SYTL3: variants seen among roughly 807,000 people sequenced by gnomAD.
The protein encoded by SYTL3 is synaptotagmin like 3, also known as synaptotagmin-like protein 3.
SYTL3 carries 88 observed loss-of-function variants against 82.1 expected under a neutral mutation model. That is an observed-to-expected ratio of 1.07 (90% CI 0.90 to 1.28). SYTL3 has a LOEUF of 1.28. SYTL3 is among the 50% of genes most tolerant of loss of function. SYTL3 has a pLI of 0.00. For missense variants in SYTL3, 831 were observed against 757.6 expected (o/e 1.10, Z -1.14); for synonymous variants, 311 against 289.4 (o/e 1.07, Z -0.76).
intron 6 of SYTL3, among the ~76,000 whole-genome samples, chr6:158,691,566 CTTT>C (rs997900440): frequency 6.6e-6 from 1 of 152,058 alleles, no homozygotes; most frequent in African/African-American, 2.4e-5. Context: ...ACCTCTTTTA[CTTT>C]TTTTCTTTTT....
chr6:158,728,604 A>T (rs1397958391), intron 11 of SYTL3, among the ~76,000 whole-genome samples: 1 of 152,174 alleles, frequency 6.6e-6, no homozygotes, highest in Non-Finnish European at 1.5e-5. Flanking sequence ...TTCTCTGTGT[A>T]TAGGTAGGCA....
At chr6:158,700,717 T>G (rs13219175) in intron 6 of SYTL3, among the ~76,000 whole-genome samples, 32 of 152,132 alleles carry the variant, frequency 2.1e-4, no homozygotes, top group East Asian at 7.7e-4. Flanking sequence ...CCTGGGTTCA[T>G]GCCATTCTCC....
At chr6:158,722,324 G>A (rs1213456410) in intron 10 of SYTL3, among the ~76,000 whole-genome samples, 2 of 152,004 alleles carry the variant, frequency 1.3e-5, no homozygotes, top group African/African-American at 2.4e-5. Context: ...ACTCTGCCCA[G>A]CTAATTTTTG....
chr6:158,764,772 T>A lies in SYTL3; in HGVS notation c.*168T>A. On this transcript the variant is annotated 3_prime_UTR_variant, in exon 18 of 18. Transcript: ENST00000611299. ...ACCGCCTATTGGTATCTGTGTATAT[T>A]TACGTTAAACACAATTATGTTACCT... 1.8e-6 allele frequency: 1 copy of A among 548,416 alleles called. No homozygotes were observed. Among genetic ancestry groups the A allele is most frequent in the Non-Finnish European group, 3.3e-6 (1 of 304,658 alleles). 34.0% of individuals were successfully genotyped at this position (548,416 alleles called of 1,614,324 possible).
In SYTL3 at chr6:158,760,762, TCCCTG is replaced by T. The variant is rs1366728594; in HGVS notation, c.1414+18_1414+22del. ...CTCAAGAAGGTCAGTGGCCTCCAGC[TCCCTG>T]GACATTGTCTGTGTCATTGTCTGCA... On this transcript the variant is annotated intron_variant, in intron 15 of 17. Coordinates refer to ENST00000611299, the MANE Select transcript of SYTL3 (RefSeq NM_001242394.2). The T allele has an allele frequency of 6.9e-6, 11 of 1,583,194 alleles. No homozygotes were observed. Among genetic ancestry groups the T allele is most frequent in the South Asian group, 1.1e-5 (1 of 90,436 alleles).
At chr6:158,695,505 A>G (rs1398587184) in intron 6 of SYTL3, among the ~76,000 whole-genome samples, 2 of 152,238 alleles carry the variant, frequency 1.3e-5, no homozygotes, top group Non-Finnish European at 2.9e-5. Context: ...TTTGAATTTA[A>G]TAACTTCATG....
intron 7 of SYTL3, 126 bp from the exon 8 acceptor site, chr6:158,708,196 G>C (rs1782327441): frequency 1.2e-6 from 1 of 868,148 alleles, no homozygotes; most frequent in African/African-American, 1.7e-5. Context: ...TTTCCAAAAA[G>C]TGAGGCAGTT....
rs1231666671 is a variant in SYTL3, at chr6:158,675,723, G to A, written c.330-7202G>A. On this transcript the variant is annotated intron_variant, in intron 5 of 17. Transcript: ENST00000611299. Reference sequence around the variant, plus strand: ...AGCACTTTGGGAGGCCAAGATGGGCGGATCATGAGGTCAGGAGATCGAGAC... The same window carrying A: ...AGCACTTTGGGAGGCCAAGATGGGCAGATCATGAGGTCAGGAGATCGAGAC... Among the ~76,000 whole-genome samples, 17 of 152,132 alleles carry A rather than the reference G, an allele frequency of 1.1e-4. No individual in the cohort carries two copies. The East Asian group carries it at 1.2e-3, about 10-fold the overall frequency.
chr6:158,739,189 C>A (rs1425353199), intron 11 of SYTL3, among the ~76,000 whole-genome samples: 5 of 152,328 alleles, frequency 3.3e-5, no homozygotes, highest in East Asian at 1.9e-4. Flanking sequence ...ATTGTAACTA[C>A]TTTTTTCTCC....
At chr6:158,725,932 G>A (rs748373681) in intron 11 of SYTL3, 60 of 680,676 alleles carry the variant, frequency 8.8e-5, no homozygotes, top group East Asian at 1.9e-4. Flanking sequence ...TGCAACTCGC[G>A]TAAACAGATA....
intron 8 of SYTL3, 147 bp from the exon 9 acceptor site, chr6:158,713,653 A>T: frequency 1.5e-6 from 1 of 662,796 alleles, no homozygotes; most frequent in Middle Eastern, 2.4e-4. Flanking sequence ...GCACACACCC[A>T]TGCCCACCTG....
At chr6:158,750,398 G>A (rs185906193) in intron 12 of SYTL3, among the ~76,000 whole-genome samples, 35 of 152,210 alleles carry the variant, frequency 2.3e-4, no homozygotes, top group African/African-American at 4.6e-4. Context: ...GCTTCCAACC[G>A]TATAGGTATA....
intron 9 of SYTL3, among the ~76,000 whole-genome samples, chr6:158,716,583 G>A (rs946485983): frequency 6.6e-6 from 1 of 152,182 alleles, no homozygotes; most frequent in African/African-American, 2.4e-5. Flanking sequence ...ACATGGGGAT[G>A]GCATTGCTAT....
chr6:158,713,171 A>G (rs1782953418), intron 8 of SYTL3, among the ~76,000 whole-genome samples: 1 of 151,982 alleles, frequency 6.6e-6, no homozygotes, highest in African/African-American at 2.4e-5. Flanking sequence ...CTCATGATGT[A>G]TTTATTGGAC....
intron 5 of SYTL3, among the ~76,000 whole-genome samples, chr6:158,666,678 GT>G (rs2128372183): frequency 6.6e-6 from 1 of 152,316 alleles, no homozygotes; most frequent in South Asian, 2.1e-4. Context: ...GACAAAGACT[GT>G]GGGAGGCACT....
At chr6:158,653,288 C>T (rs970134549) in intron 2 of SYTL3, among the ~76,000 whole-genome samples, 5 of 151,966 alleles carry the variant, frequency 3.3e-5, no homozygotes, top group Admixed American at 6.6e-5. Flanking sequence ...GGGCAGATCA[C>T]CTGAGGTTGG....
chr6:158,753,685 G>C (rs1788694949), intron 13 of SYTL3, among the ~76,000 whole-genome samples: 1 of 148,122 alleles, frequency 6.8e-6, no homozygotes, highest in Admixed American at 6.7e-5. Flanking sequence ...AGCCGAGATA[G>C]CGCCACTACA....
At chr6:158,689,593 T>C (rs1017570291) in intron 6 of SYTL3, among the ~76,000 whole-genome samples, 2 of 152,188 alleles carry the variant, frequency 1.3e-5, no homozygotes, top group African/African-American at 4.8e-5. Context: ...TCGAGACTTC[T>C]TCCTTATCCT....
At chr6:158,659,634 C>T (rs1354974417) in intron 2 of SYTL3, among the ~76,000 whole-genome samples, 3 of 152,202 alleles carry the variant, frequency 2.0e-5, no homozygotes, top group Non-Finnish European at 2.9e-5. Context: ...GGATTACAAG[C>T]GTGAGCCACT....
Sources: allele counts gnomAD v4.1 joint callset (sites outside exome capture counted in the v4.1 genomes callset), GRCh38; gene constraint gnomAD v4.1.1; transcripts MANE v1.5; gene names NCBI Gene and HGNC (gene_info 2026-07-23, HGNC 2026-07-21).